CCNYL1: variants seen among roughly 807,000 people sequenced by gnomAD.
CCNYL1 encodes the protein cyclin-Y-like protein 1.
A neutral mutation model predicts 44.2 loss-of-function variants in CCNYL1; 16 were observed. The observed-to-expected ratio is 0.36, with a 90% CI of 0.25 to 0.55. The LOEUF (loss-of-function observed/expected upper bound fraction) is 0.55, where lower values mean the gene tolerates loss of function less well. Among genes scored for constraint, CCNYL1 ranks in the 20% least tolerant of loss-of-function variants. The probability of loss-of-function intolerance (pLI) is 0.85; values close to 1 mark genes in which losing one functional copy is unlikely to be tolerated. For synonymous variants in CCNYL1, 159 were observed against 163.2 expected (o/e 0.97, Z 0.20); for missense variants, 348 against 451.8 (o/e 0.77, Z 2.08).
intron 8 of CCNYL1, among the ~76,000 whole-genome samples, chr2:207,749,491 C>G (rs991008209): frequency 6.6e-6 from 1 of 151,846 alleles, no homozygotes; most frequent in African/African-American, 2.4e-5. Flanking sequence ...GCCACCTAGC[C>G]ATTTAAAAAA....
intron 4 of CCNYL1, among the ~76,000 whole-genome samples, chr2:207,735,220 G>A (rs2091755902): frequency 6.6e-6 from 1 of 152,102 alleles, no homozygotes; most frequent in Non-Finnish European, 1.5e-5. Context: ...TGATCATTTG[G>A]TATATTTCAC....
rs367984171 is a variant in CCNYL1 at position 207,747,032 on chromosome 2, T to C, written c.640-15T>C. The C allele has an allele frequency of 3.7e-6, 6 of 1,603,506 alleles. No individual in the cohort carries two copies. In the African/African-American group the frequency reaches 6.7e-5, roughly 18 times the overall value. ...AAACTGAACTAAAATCAAAGACCAGTGCTCTATTTTACAGGTTTACTTAGA... is the reference window on the plus strand; with the variant it reads ...AAACTGAACTAAAATCAAAGACCAGCGCTCTATTTTACAGGTTTACTTAGA... On this transcript the variant is annotated splice_polypyrimidine_tract_variant and intron_variant, in intron 7 of 9. Transcript: ENST00000295414.
intron 1 of CCNYL1, among the ~76,000 whole-genome samples, chr2:207,713,747 T>G (rs550444909): frequency 6.6e-6 from 1 of 152,354 alleles, no homozygotes; most frequent in South Asian, 2.1e-4. Flanking sequence ...GGACATGCCT[T>G]TGTAACTAGG....
intron 9 of CCNYL1, 85 bp from the exon 10 acceptor site, chr2:207,753,503 T>C: frequency 1.2e-6 from 1 of 861,040 alleles, no homozygotes; most frequent in African/African-American, 1.7e-5. Context: ...GGAGTCCACA[T>C]GTGTGGCTTT....
intron 3 of CCNYL1, among the ~76,000 whole-genome samples, chr2:207,732,827 C>A (rs140760367): frequency 1.3e-5 from 2 of 152,170 alleles, no homozygotes; most frequent in African/African-American, 2.4e-5. Flanking sequence ...CTCCTTGATA[C>A]AAATGCAGAT....
At chr2:207,726,734 A>G in intron 2 of CCNYL1, 108 bp from the exon 3 acceptor site, 1 of 686,968 alleles carries the variant, frequency 1.5e-6, no homozygotes, top group Non-Finnish European at 2.4e-6. Flanking sequence ...ATTATTTTTT[A>G]AATGGAATTT....
At chr2:207,744,250 T>TG (rs1420015378) in intron 7 of CCNYL1, among the ~76,000 whole-genome samples, 1 of 134,926 alleles carries the variant, frequency 7.4e-6, no homozygotes, top group Non-Finnish European at 1.5e-5. Context: ...GTGTGTGTGT[T>TG]CAAGGAACAA....
intron 1 of CCNYL1, among the ~76,000 whole-genome samples, chr2:207,721,224 C>T (rs866299236): frequency 6.6e-6 from 1 of 152,292 alleles, no homozygotes; most frequent in East Asian, 1.9e-4. Flanking sequence ...CCAATGTCTC[C>T]TGTTTAATTG....
intron 1 of CCNYL1, among the ~76,000 whole-genome samples, chr2:207,721,633 A>G (rs2091640578): frequency 6.6e-6 from 1 of 152,240 alleles, no homozygotes; most frequent in South Asian, 2.1e-4. Context: ...TAAATTGATA[A>G]TACAAAACTG....
At position 207,740,464 on chromosome 2, in the gene CCNYL1, T is replaced by C. The variant is rs184768416; in HGVS notation, c.468-191T>C. ...AGACCTCACAGTACAGAACCTCATA[T>C]GCTGAGTAAAAAGAGGTCAGGAAAT... On this transcript the variant is annotated intron_variant, in intron 5 of 9. Coordinates refer to ENST00000295414, the MANE Select transcript of CCNYL1 (RefSeq NM_001330218.2). Among the ~76,000 whole-genome samples the C allele has an allele frequency of 3.2e-3, 493 of 152,322 alleles. 1 individual carries two copies. Among genetic ancestry groups the C allele is most frequent in the Non-Finnish European group, 5.8e-3 (396 of 68,030 alleles).
At chr2:207,739,452 A>G (rs924474572) in intron 5 of CCNYL1, among the ~76,000 whole-genome samples, 2 of 151,888 alleles carry the variant, frequency 1.3e-5, no homozygotes, top group Non-Finnish European at 2.9e-5. Context: ...CTGGTCTCGA[A>G]CTCCTGACCT....
chr2:207,736,649 CTTTTA>C (rs1037153582), intron 4 of CCNYL1, among the ~76,000 whole-genome samples: 5 of 152,062 alleles, frequency 3.3e-5, no homozygotes, highest in Non-Finnish European at 5.9e-5. Flanking sequence ...GTATAAAACA[CTTTTA>C]TTTACTTTAA....
chr2:207,727,941 C>T (rs986213600), intron 3 of CCNYL1, among the ~76,000 whole-genome samples: 2 of 151,982 alleles, frequency 1.3e-5, no homozygotes, highest in Admixed American at 6.6e-5. Flanking sequence ...CTGAAAACCT[C>T]CCCTATTTCT....
rs753602031 is a variant in CCNYL1, at chr2:207,747,195, A to G, written c.788A>G (p.Asp263Gly). ...GTGGACTACTGCCAGATCCTCAAGG[A>G]CATTACAGTTGAGGACATGTGAGTT... Reference protein sequence around the residue: ...WNVDYCQILKDITVEDMNEME... With the variant: ...WNVDYCQILKGITVEDMNEME... The change falls in exon 8 of 10, where the codon GAC becomes GGC. Residue 263 changes from aspartate (D) to glycine (G), a missense_variant. Physicochemically the swap from Asp to Gly is moderately conservative, Grantham distance 94. Transcript: ENST00000295414. The G allele has an allele frequency of 1.2e-6, 2 of 1,613,288 alleles. No homozygotes were observed. The highest frequency in any genetic ancestry group is 8.5e-7 in the Non-Finnish European group (1 of 1,179,450).
chr2:207,725,824 A>G (rs1277964223), intron 2 of CCNYL1, among the ~76,000 whole-genome samples: 3 of 152,182 alleles, frequency 2.0e-5, no homozygotes, highest in African/African-American at 7.2e-5. Flanking sequence ...TATCTTCCTT[A>G]TAATTATGTT....
At chr2:207,729,280 A>ACC (rs60765823) in intron 3 of CCNYL1, among the ~76,000 whole-genome samples, 5 of 27,296 alleles carry the variant, frequency 1.8e-4, no homozygotes, top group African/African-American at 7.0e-4. Context: ...CACCCCCCCC[A>ACC]CCCCCCCGCA....
chr2:207,747,979 G>A (rs1450067941), intron 8 of CCNYL1, among the ~76,000 whole-genome samples: 1 of 152,096 alleles, frequency 6.6e-6, no homozygotes, highest in East Asian at 1.9e-4. Flanking sequence ...CCCTTAAAGG[G>A]CATATGTCTG....
At chr2:207,740,827 A>G (rs1052599288) in intron 6 of CCNYL1, 121 bp downstream of exon 6, 1 of 646,250 alleles carries the variant, frequency 1.5e-6, no homozygotes, top group Non-Finnish European at 2.7e-6. Flanking sequence ...TTAGAAAACA[A>G]TTTAAATTTA....
intron 1 of CCNYL1, among the ~76,000 whole-genome samples, chr2:207,715,510 G>A (rs2105816079): frequency 6.7e-6 from 1 of 148,610 alleles, no homozygotes; most frequent in East Asian, 2.1e-4. Flanking sequence ...CTCCCAAGTA[G>A]TTGGGATTAC....
Sources: allele counts gnomAD v4.1 joint callset (sites outside exome capture counted in the v4.1 genomes callset), GRCh38; gene constraint gnomAD v4.1.1; transcripts MANE v1.5; gene names NCBI Gene and HGNC (gene_info 2026-07-23, HGNC 2026-07-21).